The following DENND5A variants were observed in gnomAD, a reference collection of about 807,000 sequenced individuals.
The protein encoded by DENND5A is DENN domain containing 5A.
DENND5A carries 64 observed loss-of-function variants against 140.3 expected under a neutral mutation model. The ratio of observed to expected loss-of-function variants is 0.46; its 90% CI spans 0.37 to 0.56. The LOEUF (loss-of-function observed/expected upper bound fraction) is 0.56, where lower values mean the gene tolerates loss of function less well. Ranked by LOEUF, DENND5A falls within the 20% of genes least tolerant of loss-of-function variation. The pLI, the probability that DENND5A is intolerant of heterozygous loss-of-function variation, is 0.00. For missense variants in DENND5A, 1,292 were observed against 1,593.8 expected, an observed-to-expected ratio of 0.81 and a Z score of 3.22; for synonymous variants, 605 against 607.7, an observed-to-expected ratio of 1.00 and a Z score of 0.07.
At chr11:9,145,859 C>T in intron 16 of DENND5A, 44 bp from the exon 17 acceptor site, 1 of 1,607,484 alleles carries the variant, frequency 6.2e-7, no homozygotes, top group Non-Finnish European at 8.5e-7. Context: ...AATTAGGAAT[C>T]TTTCCCATAC....
chr11:9,239,702 T>C (rs1203075208), intron 1 of DENND5A, among the ~76,000 whole-genome samples: 2 of 152,228 alleles, frequency 1.3e-5, no homozygotes, highest in African/African-American at 4.8e-5. Flanking sequence ...GCTCAAGCCA[T>C]CCTCCTGCCT....
chr11:9,241,408 A>G (rs1217385765), intron 1 of DENND5A, among the ~76,000 whole-genome samples: 2 of 152,132 alleles, frequency 1.3e-5, no homozygotes, highest in Non-Finnish European at 1.5e-5. Context: ...TGCTGATACT[A>G]CTGGTCCAGA....
At chr11:9,253,037 G>T (rs1032791907) in intron 1 of DENND5A, among the ~76,000 whole-genome samples, 1 of 151,896 alleles carries the variant, frequency 6.6e-6, no homozygotes, top group Non-Finnish European at 1.5e-5. Flanking sequence ...TTTCTGTAGA[G>T]ACCCGAGTCT....
chr11:9,166,084 T>C (rs1435804482), intron 10 of DENND5A, 117 bp from the exon 11 acceptor site: 1 of 995,972 alleles, frequency 1.0e-6, no homozygotes, highest in Non-Finnish European at 1.4e-6. Flanking sequence ...TTTTTTTCTT[T>C]TTCTTTTTTT....
chr11:9,247,121 T>C (rs548321244), intron 1 of DENND5A, among the ~76,000 whole-genome samples: 1 of 151,932 alleles, frequency 6.6e-6, no homozygotes, highest in East Asian at 1.9e-4. Context: ...TCCCAGCTAC[T>C]TGGGAGGCTG....
Position 9,245,006 on chromosome 11 carries a change from C to T in DENND5A, c.109+19955G>A, listed in dbSNP as rs1341715074. On this transcript the variant is annotated intron_variant, in intron 1 of 22. Transcript: ENST00000328194. Reference sequence around the variant, plus strand: ...GGCCCTTTTAAAAGAGGCTTCAGGCCGGGTGCGGTGGCTCATGCCTGTAAT... The same window carrying T: ...GGCCCTTTTAAAAGAGGCTTCAGGCTGGGTGCGGTGGCTCATGCCTGTAAT... 3.5e-5 allele frequency among the ~76,000 whole-genome samples: 5 copies of T among 143,216 alleles called. No homozygotes were observed. The South Asian group carries it at 1.0e-3, about 30-fold the overall frequency. The allele number at this position is 143,216 out of a possible 152,430, so 94.0% of individuals were successfully genotyped here.
At chr11:9,142,157 C>T in intron 21 of DENND5A, 49 bp from the exon 22 acceptor site, 1 of 1,494,644 alleles carries the variant, frequency 6.7e-7, no homozygotes, top group Non-Finnish European at 9.0e-7. Context: ...CAACACCAAC[C>T]CTGACGGTCC....
At chr11:9,204,558 T>C (rs1324834139) in intron 3 of DENND5A, among the ~76,000 whole-genome samples, 37 of 152,178 alleles carry the variant, frequency 2.4e-4, no homozygotes, top group Admixed American at 2.4e-3. Flanking sequence ...AGCCTGGGAA[T>C]ATCAGAAAAA....
chr11:9,249,112 C>T (rs904139733), intron 1 of DENND5A, among the ~76,000 whole-genome samples: 2 of 151,776 alleles, frequency 1.3e-5, no homozygotes, highest in Non-Finnish European at 2.9e-5. Flanking sequence ...CCTGTAGTCC[C>T]AGTTACTCAG....
intron 11 of DENND5A, among the ~76,000 whole-genome samples, chr11:9,164,056 GTTTTTTTT>G (rs768604681): frequency 0.012 from 672 of 57,980 alleles, 18 homozygotes; most frequent in African/African-American, 0.041. Flanking sequence ...TATTAATCAG[GTTTTTTTT>G]TTTTTTTTTT....
At chr11:9,239,917 C>T (rs182493232) in intron 1 of DENND5A, among the ~76,000 whole-genome samples, 15 of 152,254 alleles carry the variant, frequency 9.9e-5, no homozygotes, top group East Asian at 3.9e-4. Flanking sequence ...TATAGTCCCT[C>T]GGGTATTTTT....
chr11:9,177,972 A>C, intron 8 of DENND5A, 160 bp downstream of exon 8: 1 of 663,806 alleles, frequency 1.5e-6, no homozygotes, highest in Non-Finnish European at 2.7e-6. Flanking sequence ...GATGAGAAGA[A>C]GATAACCAGG....
chr11:9,258,185 T>C (rs886071586), intron 1 of DENND5A, among the ~76,000 whole-genome samples: 1 of 152,078 alleles, frequency 6.6e-6, no homozygotes, highest in Non-Finnish European at 1.5e-5. Context: ...TTTTGTTACA[T>C]AGGTATACAC....
chr11:9,149,280 T>C (rs902315385), intron 15 of DENND5A, among the ~76,000 whole-genome samples: 1 of 152,210 alleles, frequency 6.6e-6, no homozygotes, highest in African/African-American at 2.4e-5. Flanking sequence ...TATCAAGATA[T>C]ACTCTTCATA....
At position 9,145,710 on chromosome 11, in the gene DENND5A, A is replaced by C. The variant is rs1564880052; in HGVS notation, c.2963T>G (p.Ile988Ser). The C allele has an allele frequency of 1.2e-6, 2 of 1,614,186 alleles. No homozygotes were observed. The highest frequency in any genetic ancestry group is 1.7e-6 in the Non-Finnish European group (2 of 1,180,020). ...TAGCACATTCCTGGGAATCTGCATG[A>C]TCTGTGTCTCACCCAATTCTCCTGA... ...CISGELGETQ[I>S]MQIPRNVLEM... The change falls in exon 17 of 23, where the codon ATC becomes AGC. Residue 988 changes from isoleucine to serine, a missense_variant. Transcript: ENST00000328194.
intron 1 of DENND5A, among the ~76,000 whole-genome samples, chr11:9,240,562 TATAC>T (rs918924383): frequency 6.6e-6 from 1 of 151,608 alleles, no homozygotes; most frequent in Admixed American, 6.6e-5. Flanking sequence ...AGACAAAAAA[TATAC>T]AGGATTGGTG....
At chr11:9,250,101 T>C (rs1186628062) in intron 1 of DENND5A, among the ~76,000 whole-genome samples, 1 of 151,440 alleles carries the variant, frequency 6.6e-6, no homozygotes, top group Non-Finnish European at 1.5e-5. Flanking sequence ...CATTTTATTA[T>C]CAAGAATATG....
At chr11:9,158,624 G>A (rs1345703127) in intron 12 of DENND5A, among the ~76,000 whole-genome samples, 1 of 152,028 alleles carries the variant, frequency 6.6e-6, no homozygotes, top group East Asian at 1.9e-4. Context: ...GCTTAGAGAA[G>A]CTAGGTAACT....
chr11:9,243,747 G>C (rs1349503758), intron 1 of DENND5A, among the ~76,000 whole-genome samples: 1 of 152,000 alleles, frequency 6.6e-6, no homozygotes, highest in South Asian at 2.1e-4. Context: ...TTAGCCGGGC[G>C]TGGTGGTGGG....
Sources: allele counts gnomAD v4.1 joint callset (sites outside exome capture counted in the v4.1 genomes callset), GRCh38; gene constraint gnomAD v4.1.1; transcripts MANE v1.5; gene names NCBI Gene and HGNC (gene_info 2026-07-23, HGNC 2026-07-21).